Variants in ABCC2 observed in about 807,000 individuals in gnomAD.
The protein encoded by ABCC2 is ATP-binding cassette sub-family C member 2.
Under a neutral mutation model 173.4 loss-of-function variants are expected in ABCC2, and 157 were observed. That is an observed-to-expected ratio of 0.91 (90% CI 0.80 to 1.03). The LOEUF is 1.03. Ranked by LOEUF, ABCC2 falls within the 50% of genes least tolerant of loss-of-function variation. The probability of loss-of-function intolerance (pLI) is 0.00; values close to 1 mark genes in which losing one functional copy is unlikely to be tolerated. For missense variants in ABCC2, 1,822 were observed against 1,852.3 expected, an observed-to-expected ratio of 0.98 and a Z score of 0.30; for synonymous variants, 657 against 693.5, an observed-to-expected ratio of 0.95 and a Z score of 0.83.
At chr10:99,815,209 T>C (rs2038387205) in intron 16 of ABCC2, among the ~76,000 whole-genome samples, 1 of 152,148 alleles carries the variant, frequency 6.6e-6, no homozygotes, top group African/African-American at 2.4e-5. Context: ...TGGTTTTCTG[T>C]TCCTGTGTTA....
intron 19 of ABCC2, among the ~76,000 whole-genome samples, chr10:99,824,773 C>T (rs987100693): frequency 2.6e-5 from 4 of 152,160 alleles, no homozygotes; most frequent in East Asian, 1.9e-4. Flanking sequence ...TGAATTACGG[C>T]GTTTACGGCC....
rs749662916 is a variant in ABCC2, at chr10:99,846,985, CTGAGGA to C, written c.4175_4180del (p.Arg1392_Met1393del). On this transcript the variant is annotated inframe_deletion, in exon 30 of 32. Transcript: ENST00000647814. ...GGACCCCATCCTGTTCTCTGGAAGCCTGAGGATGAATCTCGACCCTTTCAACAACTA... is the reference window on the plus strand; with the variant it reads ...GGACCCCATCCTGTTCTCTGGAAGCCTGAATCTCGACCCTTTCAACAACTA... 66 of 1,614,176 alleles carry C rather than the reference CTGAGGA, an allele frequency of 4.1e-5. No homozygotes were observed. Among genetic ancestry groups the C allele is most frequent in the Admixed American group, 1.7e-4 (10 of 60,026 alleles).
chr10:99,795,096 G>A (rs74152762), intron 6 of ABCC2, among the ~76,000 whole-genome samples: 3,838 of 152,232 alleles, frequency 0.025, 162 homozygotes, highest in African/African-American at 0.085. Flanking sequence ...GCTGGCTTGG[G>A]CTACCAGAGG....
At chr10:99,850,880 C>G (rs2039079788) in intron 31 of ABCC2, 84 bp downstream of exon 31, 2 of 1,510,756 alleles carry the variant, frequency 1.3e-6, no homozygotes, top group Non-Finnish European at 1.8e-6. Flanking sequence ...CACCTGATGG[C>G]AGAAGGTTTA....
At chr10:99,800,778 T>A (rs116872494) in intron 9 of ABCC2, among the ~76,000 whole-genome samples, 5 of 152,154 alleles carry the variant, frequency 3.3e-5, no homozygotes, top group Non-Finnish European at 5.9e-5. Context: ...GAAAACGTAC[T>A]CCCCAGGGAG....
At chr10:99,794,108 AG>A in intron 5 of ABCC2, 109 bp downstream of exon 5, 1 of 1,056,354 alleles carries the variant, frequency 9.5e-7, no homozygotes, top group South Asian at 1.3e-5. Context: ...GCCCAGAATA[AG>A]GTAGTACAGA....
At chr10:99,840,996 C>T (rs552104937) in intron 25 of ABCC2, among the ~76,000 whole-genome samples, 2 of 152,256 alleles carry the variant, frequency 1.3e-5, no homozygotes, top group East Asian at 3.9e-4. Flanking sequence ...AGGCCTGTCA[C>T]AGTAAAAGTC....
intron 19 of ABCC2, among the ~76,000 whole-genome samples, chr10:99,827,112 G>T (rs932555662): frequency 1.3e-5 from 1 of 78,924 alleles, no homozygotes; most frequent in African/African-American, 6.0e-5. Context: ...CTGTGGTGCT[G>T]GGGGCATTCC....
Position 99,851,619 on chromosome 10 carries a change from C to A in ABCC2, c.4626C>A (p.Ser1542Arg). Residue 1542 changes from serine (S) to arginine (R), a missense_variant, in exon 32 of 32, where the codon AGC (serine) becomes AGA (arginine). Transcript: ENST00000647814. Reference protein sequence around the residue: ...AKEAGIENVNSTKF With the variant: ...AKEAGIENVNRTKF ...AAGCTGGCATTGAGAATGTGAACAG[C>A]ACAAAATTCTAGCAGAAGGCCCCAT... 4 of 1,614,008 alleles carry A rather than the reference C, an allele frequency of 2.5e-6. No homozygotes were observed. The highest frequency in any genetic ancestry group is 3.4e-6 in the Non-Finnish European group (4 of 1,179,976).
Position 99,845,773 on chromosome 10 carries a change from C to T in ABCC2, c.4137C>T (p.Ile1379=). 1 of 1,611,836 alleles carries T rather than the reference C, an allele frequency of 6.2e-7. No individual in the cohort carries two copies. The highest frequency in any genetic ancestry group is 8.5e-7 in the Non-Finnish European group (1 of 1,179,372). The part of the protein sequence containing the change: ...GLHDLREKLT[I]IPQDPILFSG... The stretch of plus-strand genomic sequence containing the variant: ...ACGACCTCCGAGAGAAGCTGACCAT[C>T]ATCCCCCAGGTGAGCTCTAGAACTT... The change falls in exon 29 of 32, where the codon ATC becomes ATT. Residue 1379 remains isoleucine, a synonymous_variant. Coordinates refer to ENST00000647814, the MANE Select transcript of ABCC2 (RefSeq NM_000392.5).
At chr10:99,845,935 C>G (rs1000557033) in intron 29 of ABCC2, among the ~76,000 whole-genome samples, 153 bp downstream of exon 29, 1 of 152,196 alleles carries the variant, frequency 6.6e-6, no homozygotes, top group Non-Finnish European at 1.5e-5. Context: ...ATGGACACGT[C>G]ATTTCCAGAA....
intron 6 of ABCC2, among the ~76,000 whole-genome samples, chr10:99,796,707 A>C (rs2037918816): frequency 6.6e-6 from 1 of 151,972 alleles, no homozygotes; most frequent in Non-Finnish European, 1.5e-5. Context: ...AAAAACAAAC[A>C]ACAACAACAA....
intron 29 of ABCC2, 34 bp downstream of exon 29, chr10:99,845,816 G>T: frequency 1.3e-6 from 2 of 1,589,266 alleles, no homozygotes; most frequent in East Asian, 2.3e-5. Context: ...CACATGCCGT[G>T]GGGAGCAGCT....
At chr10:99,795,773 A>T (rs1202030496) in intron 6 of ABCC2, among the ~76,000 whole-genome samples, 65 of 145,936 alleles carry the variant, frequency 4.5e-4, no homozygotes, top group South Asian at 1.5e-3. Context: ...GAAAGAAAGA[A>T]AGAAAGAAAG....
intron 19 of ABCC2, among the ~76,000 whole-genome samples, chr10:99,824,654 C>A (rs201432922): frequency 2.5e-4 from 31 of 123,194 alleles, no homozygotes; most frequent in African/African-American, 9.1e-4. Flanking sequence ...AATCCTGCTC[C>A]GCCAGAGGGA....
chr10:99,840,440 T>C (rs2038918752), intron 25 of ABCC2, among the ~76,000 whole-genome samples: 3 of 139,034 alleles, frequency 2.2e-5, no homozygotes, highest in Middle Eastern at 3.7e-3. Context: ...CCGCGGCGCC[T>C]TCGACCCTTC....
intron 19 of ABCC2, among the ~76,000 whole-genome samples, chr10:99,824,415 T>G (rs555841055): frequency 3.9e-5 from 6 of 152,230 alleles, no homozygotes; most frequent in African/African-American, 1.4e-4. Context: ...CAGAAATGTA[T>G]AACAGTCAAT....
At chr10:99,793,759 G>A in intron 4 of ABCC2, 74 bp downstream of exon 4, 1 of 1,602,392 alleles carries the variant, frequency 6.2e-7, no homozygotes, top group Non-Finnish European at 8.5e-7. Context: ...ATGGCATCAA[G>A]TTGAGCTCCA....
intron 11 of ABCC2, among the ~76,000 whole-genome samples, chr10:99,806,208 AT>A (rs985723878): frequency 1.5e-3 from 233 of 151,490 alleles, no homozygotes; most frequent in African/African-American, 5.5e-3. Flanking sequence ...TTTATATTTG[AT>A]TTGGGGGCGG....
Sources: allele counts gnomAD v4.1 joint callset (sites outside exome capture counted in the v4.1 genomes callset), GRCh38; gene constraint gnomAD v4.1.1; transcripts MANE v1.5; gene names NCBI Gene and HGNC (gene_info 2026-07-23, HGNC 2026-07-21).